The following PTPRZ1 variants were observed in gnomAD, a reference collection of about 807,000 sequenced individuals.
The protein encoded by PTPRZ1 is protein tyrosine phosphatase receptor type Z1, also known as receptor-type tyrosine-protein phosphatase zeta.
In PTPRZ1, 82 loss-of-function variants were observed where a neutral mutation model predicts 214.1. The observed-to-expected ratio is 0.38, with a 90% CI of 0.32 to 0.46. The LOEUF is 0.46. Ranked by LOEUF, PTPRZ1 falls within the 20% of genes least tolerant of loss-of-function variation. The probability of loss-of-function intolerance (pLI) is 1.00; values close to 1 mark genes in which losing one functional copy is unlikely to be tolerated. For missense variants in PTPRZ1, 2,603 were observed against 2,748.7 expected, an observed-to-expected ratio of 0.95 and a Z score of 1.19; for synonymous variants, 945 against 987.9, an observed-to-expected ratio of 0.96 and a Z score of 0.81.
chr7:121,987,961 C>G (rs1196506), intron 8 of PTPRZ1, among the ~76,000 whole-genome samples: 63,470 of 151,994 alleles, frequency 0.42, 13,603 homozygotes, highest in South Asian at 0.58. Flanking sequence ...TAAGTGGGAG[C>G]TAAACATTAA....
At chr7:122,044,250 C>T (rs1799814409) in intron 22 of PTPRZ1, among the ~76,000 whole-genome samples, 172 bp from the exon 23 acceptor site, 1 of 152,176 alleles carries the variant, frequency 6.6e-6, no homozygotes, top group Non-Finnish European at 1.5e-5. Flanking sequence ...TCTTCTGTGA[C>T]CACTTCCTTT....
At chr7:122,007,230 A>G (rs1055815171) in intron 11 of PTPRZ1, among the ~76,000 whole-genome samples, 1 of 152,162 alleles carries the variant, frequency 6.6e-6, no homozygotes, top group African/African-American at 2.4e-5. Flanking sequence ...TTCTTATGAC[A>G]TTAGGCTTAT....
intron 11 of PTPRZ1, among the ~76,000 whole-genome samples, chr7:122,005,067 G>A (rs1008006666): frequency 4.0e-5 from 6 of 151,878 alleles, no homozygotes; most frequent in South Asian, 2.1e-4. Context: ...ATAGATTAAC[G>A]CTAAATGTGG....
chr7:121,998,049 A>G (rs1207976892), intron 10 of PTPRZ1, 43 bp downstream of exon 10: 2 of 1,576,934 alleles, frequency 1.3e-6, no homozygotes, highest in Non-Finnish European at 1.7e-6. Flanking sequence ...TCAATAAATG[A>G]GGTTAGTTTA....
At chr7:121,894,940 G>A (rs1024422303) in intron 1 of PTPRZ1, among the ~76,000 whole-genome samples, 8 of 152,128 alleles carry the variant, frequency 5.3e-5, no homozygotes, top group South Asian at 2.1e-4. Context: ...TGAAAGATAC[G>A]CTAAATGTCA....
Position 121,983,598 on chromosome 7 carries a change from T to C in PTPRZ1, c.620-67T>C, listed in dbSNP as rs1308726324. Reference sequence around the variant, plus strand: ...TAACAAAGCATGTGTCTCTGTTTCATAGAAGTTTTGAACAGCTAAGTTCCA... The same window carrying C: ...TAACAAAGCATGTGTCTCTGTTTCACAGAAGTTTTGAACAGCTAAGTTCCA... On this transcript the variant is annotated intron_variant, in intron 6 of 29. Transcript: ENST00000393386. The C allele has an allele frequency of 5.7e-6, 8 of 1,391,672 alleles. No homozygotes were observed. The African/African-American group carries it at 5.8e-5, about 10-fold the overall frequency. 86.2% of individuals were successfully genotyped at this position (1,391,672 alleles called of 1,614,324 possible). A position where few individuals can be genotyped will look rare whatever the true frequency, so the allele number is the denominator to read the frequency against.
intron 1 of PTPRZ1, among the ~76,000 whole-genome samples, chr7:121,926,898 A>G (rs745876794): frequency 1.3e-5 from 2 of 152,204 alleles, no homozygotes; most frequent in Non-Finnish European, 2.9e-5. Flanking sequence ...ATTTTTACAA[A>G]TTTAAACACA....
chr7:121,904,998 G>A (rs1330263743), intron 1 of PTPRZ1, among the ~76,000 whole-genome samples: 1 of 152,176 alleles, frequency 6.6e-6, no homozygotes, highest in Non-Finnish European at 1.5e-5. Context: ...TACGAAAGTT[G>A]TTTAGTTAAA....
At chr7:121,902,067 C>G (rs1391889377) in intron 1 of PTPRZ1, among the ~76,000 whole-genome samples, 1 of 152,100 alleles carries the variant, frequency 6.6e-6, no homozygotes, top group African/African-American at 2.4e-5. Context: ...TCTATGAGAT[C>G]AATGTTTTTA....
chr7:121,924,990 A>G (rs559565480), intron 1 of PTPRZ1, among the ~76,000 whole-genome samples: 4 of 152,300 alleles, frequency 2.6e-5, no homozygotes, highest in African/African-American at 9.6e-5. Context: ...CAAGCATGCT[A>G]TAGAGGCTCC....
At chr7:122,022,110 G>A (rs973268487) in intron 13 of PTPRZ1, among the ~76,000 whole-genome samples, 6 of 152,068 alleles carry the variant, frequency 3.9e-5, no homozygotes, top group African/African-American at 1.4e-4. Flanking sequence ...ACCAATAACA[G>A]TCCTAATGGT....
At chr7:121,982,114 G>A (rs1207129022) in intron 6 of PTPRZ1, among the ~76,000 whole-genome samples, 1 of 152,024 alleles carries the variant, frequency 6.6e-6, no homozygotes, top group African/African-American at 2.4e-5. Flanking sequence ...TTTTCCATGA[G>A]GATATTCAAT....
chr7:122,034,020 A>G (rs945265016), intron 15 of PTPRZ1, 75 bp from the exon 16 acceptor site: 3 of 1,357,816 alleles, frequency 2.2e-6, no homozygotes, highest in Non-Finnish European at 3.1e-6. Context: ...CCTAATATGA[A>G]CGCTTTTTTT....
At chr7:122,048,977 C>A (rs1378702426) in intron 23 of PTPRZ1, among the ~76,000 whole-genome samples, 1 of 152,006 alleles carries the variant, frequency 6.6e-6, no homozygotes, top group African/African-American at 2.4e-5. Context: ...CAACTCAAAT[C>A]CAGCAGTGTA....
At chr7:122,029,487 A>T (rs1799308544) in intron 14 of PTPRZ1, among the ~76,000 whole-genome samples, 1 of 151,968 alleles carries the variant, frequency 6.6e-6, no homozygotes, top group Non-Finnish European at 1.5e-5. Flanking sequence ...AGTGGTCTAG[A>T]ATTGTGTGAT....
intron 2 of PTPRZ1, among the ~76,000 whole-genome samples, chr7:121,965,823 A>G (rs1291020550): frequency 6.6e-6 from 1 of 152,216 alleles, no homozygotes; most frequent in East Asian, 1.9e-4. Flanking sequence ...GATAGAAGGC[A>G]CTAGTGGAGT....
chr7:122,046,016 C>A (rs1473183856), intron 23 of PTPRZ1, among the ~76,000 whole-genome samples: 2 of 152,108 alleles, frequency 1.3e-5, no homozygotes, highest in African/African-American at 4.8e-5. Flanking sequence ...ACTTATCAGA[C>A]ACCTGCCAGA....
intron 8 of PTPRZ1, among the ~76,000 whole-genome samples, chr7:121,994,289 C>CTTTTT (rs35332072): frequency 0.026 from 1,974 of 75,344 alleles, 194 homozygotes; most frequent in East Asian, 0.028. Context: ...TAATGCATTT[C>CTTTTT]TTTTTTTTTT....
At chr7:122,041,425 C>A (rs1371731556) in intron 21 of PTPRZ1, among the ~76,000 whole-genome samples, 1 of 149,850 alleles carries the variant, frequency 6.7e-6, no homozygotes, top group Non-Finnish European at 1.5e-5. Flanking sequence ...AGAAATTTGG[C>A]AAAATATATT....
Sources: gnomAD v4.1 joint callset for allele counts (sites outside exome capture counted in the v4.1 genomes callset) on GRCh38, gnomAD v4.1.1 for gene constraint, MANE v1.5 for transcripts, NCBI Gene and HGNC (gene_info 2026-07-23, HGNC 2026-07-21) for gene names.